The following KIRREL3 variants were observed in gnomAD, a reference collection of about 807,000 sequenced individuals.
KIRREL3 encodes kirre like nephrin family adhesion molecule 3, also known as kin of IRRE-like protein 3.
In KIRREL3, 36 loss-of-function variants were observed where a neutral mutation model predicts 89.7. That is an observed-to-expected ratio of 0.40 (90% CI 0.31 to 0.53). The LOEUF (loss-of-function observed/expected upper bound fraction) is 0.53. Among genes scored for constraint, KIRREL3 ranks in the 20% least tolerant of loss-of-function variants. The probability of loss-of-function intolerance (pLI) is 0.49; values close to 1 mark genes in which losing one functional copy is unlikely to be tolerated. For missense variants in KIRREL3, 864 were observed against 1,056.6 expected, an observed-to-expected ratio of 0.82 and a Z score of 2.53; for synonymous variants, 445 against 441.4, an observed-to-expected ratio of 1.01 and a Z score of -0.10.
rs1955067239 is a variant in KIRREL3 at position 126,429,910 on chromosome 11, G to T, written c.1697-622C>A. On this transcript the variant is annotated intron_variant, in intron 14 of 16. Transcript: ENST00000525144. The surrounding 1 kb of genome is among the most constrained non-coding windows in gnomAD (Gnocchi z 5.2). ...CCAGCACTTTGGGAGGCCGAGGTGG[G>T]CAGATCACGAGGTCAGGAGTTTGAC... is the stretch of plus-strand genomic sequence containing the variant. Among the ~76,000 whole-genome samples the T allele has an allele frequency of 6.6e-6, 1 of 152,156 alleles. No homozygotes were observed. Among genetic ancestry groups the T allele is most frequent in the Admixed American group, 6.6e-5 (1 of 15,250 alleles).
chr11:126,494,805 G>C (rs1200540906), intron 4 of KIRREL3, among the ~76,000 whole-genome samples: 6 of 152,204 alleles, frequency 3.9e-5, no homozygotes, highest in Admixed American at 3.3e-4. Flanking sequence ...GGCGCAGGCT[G>C]CCAAGGAAAG....
At chr11:126,847,433 T>TTG (rs1403143841) in intron 1 of KIRREL3, among the ~76,000 whole-genome samples, 2 of 152,156 alleles carry the variant, frequency 1.3e-5, no homozygotes, top group Non-Finnish European at 2.9e-5. Context: ...TTGTCTTGTT[T>TTG]TAATCCTCTT....
Position 126,463,094 on chromosome 11 carries a change from G to A in KIRREL3, c.742+63C>T, listed in dbSNP as rs1432761744. 8 of 1,533,964 alleles carry A rather than the reference G, an allele frequency of 5.2e-6. No homozygotes were observed. The South Asian group carries it at 8.3e-5, about 16-fold the overall frequency. ...ATCAGATGGGCCAGGCTATGGTCAG[G>A]GTTGCTGGGTGTTTCACCCTGGGCC... On this transcript the variant is annotated intron_variant, in intron 6 of 16. Transcript: ENST00000525144. This position sits in a 1 kb window ranked among gnomAD's most constrained non-coding sequence, Gnocchi z 5.9.
At position 126,473,846 on chromosome 11, in the gene KIRREL3, T is replaced by G. The variant is rs867758936; in HGVS notation, c.434-380A>C. Among the ~76,000 whole-genome samples, 15 of 152,212 alleles carry G rather than the reference T, an allele frequency of 9.9e-5. No individual in the cohort carries two copies. In the South Asian group the frequency reaches 1.0e-3, roughly 11 times the overall value. On this transcript the variant is annotated intron_variant, in intron 4 of 16. Transcript: ENST00000525144. Reference sequence around the variant, plus strand: ...GAAGTCTCTGTCACCCAGGCTGGAGTGCAGTAGCATGATCTCGGCTCACTG... The same window carrying G: ...GAAGTCTCTGTCACCCAGGCTGGAGGGCAGTAGCATGATCTCGGCTCACTG...
chr11:126,980,529 T>C (rs1949692179), intron 1 of KIRREL3, among the ~76,000 whole-genome samples: 2 of 151,988 alleles, frequency 1.3e-5, no homozygotes, highest in Non-Finnish European at 2.9e-5. Context: ...GAAGGGTGAC[T>C]GTGAGAAAAA....
Position 126,701,669 on chromosome 11 carries a change from G to A in KIRREL3, c.56-138757C>T, listed in dbSNP as rs555893097. Among the ~76,000 whole-genome samples, 9 of 152,202 alleles carry A rather than the reference G, an allele frequency of 5.9e-5. No individual in the cohort carries two copies. In the South Asian group the frequency reaches 1.0e-3, roughly 18 times the overall value. Reference sequence around the variant, plus strand: ...AGCTCCCTTCACCAGAGAAGGGAGCGAGGAGGTCAGAGGGTGGAGGAGGTG... The same window carrying A: ...AGCTCCCTTCACCAGAGAAGGGAGCAAGGAGGTCAGAGGGTGGAGGAGGTG... On this transcript the variant is annotated intron_variant, in intron 1 of 16. Coordinates refer to ENST00000525144, the MANE Select transcript of KIRREL3 (RefSeq NM_032531.4).
At position 126,940,874 on chromosome 11, in the gene KIRREL3, T is replaced by C. The variant is rs1205825216; in HGVS notation, c.55+59581A>G. 2.0e-5 allele frequency: 3 copies of C among 152,178 alleles called. No individual in the cohort carries two copies. The highest frequency in any genetic ancestry group is 2.9e-5 in the Non-Finnish European group (2 of 68,038). 9.4% of individuals were successfully genotyped at this position (152,178 alleles called of 1,614,324 possible). A position where few individuals can be genotyped will look rare whatever the true frequency, so the allele number is the denominator to read the frequency against. ...GACTGTCATGAAACTATTTGGATAC[T>C]GTACTCTGGTTCCTTCATCTCCTCC... On this transcript the variant is annotated intron_variant, in intron 1 of 16. Transcript: ENST00000525144. The surrounding 1 kb of genome is among the most constrained non-coding windows in gnomAD (Gnocchi z 4.6).
rs558768004 is a variant in KIRREL3, at chr11:126,696,360, G to A, written c.56-133448C>T. Among the ~76,000 whole-genome samples the A allele has an allele frequency of 1.3e-5, 2 of 151,534 alleles. No individual in the cohort carries two copies. The highest frequency in any genetic ancestry group is 3.9e-4 in the East Asian group (2 of 5,148). ...CTTCTCCTCCTTGGTTGCCTTGTGTGGTTGATGGTGACATCATCCATCCAA... is the reference window on the plus strand; with the variant it reads ...CTTCTCCTCCTTGGTTGCCTTGTGTAGTTGATGGTGACATCATCCATCCAA... On this transcript the variant is annotated intron_variant, in intron 1 of 16. Coordinates refer to ENST00000525144, the MANE Select transcript of KIRREL3 (RefSeq NM_032531.4). The surrounding 1 kb of genome is among the most constrained non-coding windows in gnomAD (Gnocchi z 4.4).
chr11:126,914,328 C>T (rs954271949), intron 1 of KIRREL3, among the ~76,000 whole-genome samples: 1 of 152,224 alleles, frequency 6.6e-6, no homozygotes, highest in Admixed American at 6.5e-5. Flanking sequence ...AAGCAATACT[C>T]TATTCCCAGG....
intron 1 of KIRREL3, among the ~76,000 whole-genome samples, chr11:126,767,717 T>C (rs1949872252): frequency 6.6e-6 from 1 of 152,156 alleles, no homozygotes; most frequent in South Asian, 2.1e-4. Flanking sequence ...CTATTGAGAA[T>C]GTACGTATGT....
intron 5 of KIRREL3, among the ~76,000 whole-genome samples, chr11:126,465,499 T>C (rs983083291): frequency 6.6e-5 from 10 of 152,216 alleles, no homozygotes; most frequent in African/African-American, 1.7e-4. Context: ...TGTAAGCTCC[T>C]AGAACCCCAC....
At chr11:126,577,913 C>G (rs1941345372) in intron 1 of KIRREL3, among the ~76,000 whole-genome samples, 1 of 152,122 alleles carries the variant, frequency 6.6e-6, no homozygotes, top group Non-Finnish European at 1.5e-5. Context: ...CAGTGCCATT[C>G]TCACACCCAG....
chr11:126,863,439 G>A (rs1220360662), intron 1 of KIRREL3, among the ~76,000 whole-genome samples: 5 of 138,558 alleles, frequency 3.6e-5, no homozygotes, highest in Non-Finnish European at 7.8e-5. Flanking sequence ...GTGAGTGCGT[G>A]TGTGAGTGTG....
intron 1 of KIRREL3, among the ~76,000 whole-genome samples, chr11:126,845,078 C>T (rs191695713): frequency 8.5e-5 from 13 of 152,242 alleles, no homozygotes; most frequent in East Asian, 1.9e-4. Context: ...GGTGGATTAA[C>T]GATGATGGGG....
At chr11:126,984,777 C>T (rs1049562176) in intron 1 of KIRREL3, among the ~76,000 whole-genome samples, 19 of 152,090 alleles carry the variant, frequency 1.2e-4, no homozygotes, top group African/African-American at 3.6e-4. Flanking sequence ...CATGTGAGCC[C>T]GCAGGAAGTG....
chr11:126,548,319 C>G (rs1030260271), intron 2 of KIRREL3, among the ~76,000 whole-genome samples: 1 of 152,224 alleles, frequency 6.6e-6, no homozygotes, highest in South Asian at 2.1e-4. Context: ...CTCCCATTGC[C>G]GGTGTCTGGA....
chr11:126,761,716 AG>A lies in KIRREL3; in HGVS notation c.56-198805del, dbSNP rs1368771497. On this transcript the variant is annotated intron_variant, in intron 1 of 16. Coordinates refer to ENST00000525144, the MANE Select transcript of KIRREL3 (RefSeq NM_032531.4). This position sits in a 1 kb window ranked among gnomAD's most constrained non-coding sequence, Gnocchi z 4.4. ...ATCACCAGATCTTATGAAGTAGACC[AG>A]TGGGCCCCACTCAGCCCCTGGGGGC... Among the ~76,000 whole-genome samples, 1 of 152,196 alleles carries A rather than the reference AG, an allele frequency of 6.6e-6. No individual in the cohort carries two copies. The highest frequency in any genetic ancestry group is 1.5e-5 in the Non-Finnish European group (1 of 68,036).
rs1157349038 is a variant in KIRREL3, at chr11:126,877,469, C to G, written c.55+122986G>C. Among the ~76,000 whole-genome samples, 6 of 152,186 alleles carry G rather than the reference C, an allele frequency of 3.9e-5. No individual in the cohort carries two copies. The highest frequency in any genetic ancestry group is 3.3e-4 in the Admixed American group (5 of 15,274). On this transcript the variant is annotated intron_variant, in intron 1 of 16. Transcript: ENST00000525144. This position sits in a 1 kb window ranked among gnomAD's most constrained non-coding sequence, Gnocchi z 4.9. Reference sequence around the variant, plus strand: ...TCTGCAATCCTGCAATGGAAAGAATCTCTTTCCTCCACTCACTCACTTCCC... The same window carrying G: ...TCTGCAATCCTGCAATGGAAAGAATGTCTTTCCTCCACTCACTCACTTCCC...
chr11:126,998,178 G>A (rs1950226967), intron 1 of KIRREL3, among the ~76,000 whole-genome samples: 1 of 152,112 alleles, frequency 6.6e-6, no homozygotes, highest in African/African-American at 2.4e-5. Flanking sequence ...ATGTGAGGAT[G>A]GTCAAATAGA....
Sources: allele counts gnomAD v4.1 joint callset (sites outside exome capture counted in the v4.1 genomes callset), GRCh38; gene constraint gnomAD v4.1.1; non-coding constraint Gnocchi (gnomAD v3.1); transcripts MANE v1.5; gene names NCBI Gene and HGNC (gene_info 2026-07-23, HGNC 2026-07-21).